The following ZNF112 variants were observed in gnomAD, a reference collection of about 807,000 sequenced individuals.
The protein encoded by ZNF112 is zinc finger protein 112, also known as zinc finger protein 112 (Y14).
Under a neutral mutation model 77.7 loss-of-function variants are expected in ZNF112, and 37 were observed. The ratio of observed to expected loss-of-function variants is 0.48; its 90% CI spans 0.37 to 0.63. ZNF112 has a LOEUF of 0.63. Among genes scored for constraint, ZNF112 ranks in the 20% least tolerant of loss-of-function variants. The probability of loss-of-function intolerance (pLI) is 0.00; values close to 1 mark genes in which losing one functional copy is unlikely to be tolerated. For synonymous variants in ZNF112, 333 were observed against 363.6 expected, an observed-to-expected ratio of 0.92 and a Z score of 0.96; for missense variants, 950 against 1,077.4, an observed-to-expected ratio of 0.88 and a Z score of 1.66.
intron 1 of ZNF112, among the ~76,000 whole-genome samples, chr19:44,345,629 A>T (rs1380003824): frequency 6.6e-6 from 1 of 152,250 alleles, no homozygotes; most frequent in African/African-American, 2.4e-5. Context: ...GTTTGATAGA[A>T]TTAAAGCCTG....
intron 1 of ZNF112, among the ~76,000 whole-genome samples, chr19:44,342,279 ATTT>A (rs759294652): frequency 4.6e-5 from 7 of 152,082 alleles, no homozygotes; most frequent in Non-Finnish European, 8.8e-5. Flanking sequence ...AAAAACATCT[ATTT>A]TTCCCCCAAC....
chr19:44,333,469 CCA>C (rs1970307872), intron 3 of ZNF112, among the ~76,000 whole-genome samples: 2 of 152,246 alleles, frequency 1.3e-5, no homozygotes, highest in Non-Finnish European at 2.9e-5. Flanking sequence ...GCGTCCCCAC[CCA>C]AATCTCATGT....
At chr19:44,353,527 G>C (rs1039683037) in intron 1 of ZNF112, among the ~76,000 whole-genome samples, 20 of 151,782 alleles carry the variant, frequency 1.3e-4, no homozygotes, top group African/African-American at 4.6e-4. Flanking sequence ...TATATAAATA[G>C]CTCTCAAAAA....
chr19:44,333,253 A>T (rs1389545349), intron 3 of ZNF112, among the ~76,000 whole-genome samples: 3 of 152,210 alleles, frequency 2.0e-5, no homozygotes, highest in African/African-American at 7.2e-5. Flanking sequence ...GAGAAAAAAA[A>T]TCTTTGTTTA....
rs2609881 is a variant in ZNF112, at chr19:44,327,836, T to A, written c.2321A>T (p.Glu774Val). 3.7e-6 allele frequency: 6 copies of A among 1,613,914 alleles called. No homozygotes were observed. The Admixed American group carries it at 5.0e-5, about 13-fold the overall frequency. Residue 774 changes from glutamate to valine, a missense_variant, in exon 4 of 4, where the codon GAG becomes GTG. Coordinates refer to ENST00000354340, the MANE Select transcript of ZNF112 (RefSeq NM_013380.4). ...VHTGGKPYKC[E>V]VCTKGFSESS... ...CTCACTGAAACCCTTTGTACACACC[T>A]CACATTTGTATGGTTTCCCTCCTGT...
chr19:44,345,951 C>A, intron 1 of ZNF112, among the ~76,000 whole-genome samples: 1 of 152,292 alleles, frequency 6.6e-6, no homozygotes, highest in East Asian at 1.9e-4. Flanking sequence ...CAATATTGTT[C>A]TTTCTTTTCA....
Position 44,327,315 on chromosome 19 carries a change from C to T in ZNF112, c.*118G>A. 2 of 802,346 alleles carry T rather than the reference C, an allele frequency of 2.5e-6. No individual in the cohort carries two copies. Among genetic ancestry groups the T allele is most frequent in the Non-Finnish European group, 3.9e-6 (2 of 517,604 alleles). 49.7% of individuals were successfully genotyped at this position (802,346 alleles called of 1,614,324 possible). On this transcript the variant is annotated 3_prime_UTR_variant, in exon 4 of 4. Transcript: ENST00000354340. The stretch of plus-strand genomic sequence containing the variant: ...TCATTAAATGTCTCTGTTGTGTGGT[C>T]TCCTGGCCATTATGAATGTTGAAGT...
chr19:44,365,849 T>C (rs556034238), intron 1 of ZNF112, among the ~76,000 whole-genome samples: 6 of 152,334 alleles, frequency 3.9e-5, no homozygotes, highest in Non-Finnish European at 5.9e-5. Context: ...TTGACTTATG[T>C]AGCTGCCACA....
intron 2 of ZNF112, among the ~76,000 whole-genome samples, chr19:44,337,414 A>AT (rs1455625918): frequency 4.4e-4 from 12 of 27,548 alleles, no homozygotes; most frequent in African/African-American, 6.0e-4. Context: ...TTTTATATAT[A>AT]ATAATATATA....
chr19:44,340,600 T>C, intron 1 of ZNF112, 58 bp from the exon 2 acceptor site: 4 of 1,611,108 alleles, frequency 2.5e-6, no homozygotes, highest in Non-Finnish European at 3.4e-6. Flanking sequence ...GCTGAGAAGG[T>C]GTAAAGGACT....
rs904590565 is a variant in ZNF112, at chr19:44,328,785, C to T, written c.1372G>A (p.Val458Ile). Residue 458 changes from valine (V) to isoleucine (I), a missense_variant, in exon 4 of 4, where the codon GTC (valine) becomes ATC (isoleucine). This residue lies in a region of ZNF112 where 560 missense variants were observed against 557.3 expected (regional missense o/e 1.00). Coordinates refer to ENST00000354340, the MANE Select transcript of ZNF112 (RefSeq NM_013380.4). ...LASHFQDLQI[V>I]HTKEQPYKRY... Reference sequence around the variant, plus strand: ...TTATATGGTTGTTCCTTAGTGTGGACTATCTGAAGGTCCTGAAAATGTGAG... The same window carrying T: ...TTATATGGTTGTTCCTTAGTGTGGATTATCTGAAGGTCCTGAAAATGTGAG... 2 of 1,614,092 alleles carry T rather than the reference C, an allele frequency of 1.2e-6. No individual in the cohort carries two copies. The highest frequency in any genetic ancestry group is 2.2e-5 in the East Asian group (1 of 44,880).
intron 3 of ZNF112, among the ~76,000 whole-genome samples, chr19:44,330,712 G>A (rs1459598943): frequency 6.6e-6 from 1 of 152,164 alleles, no homozygotes; most frequent in Non-Finnish European, 1.5e-5. Context: ...CTCCAGCCTA[G>A]GCAACAGAAT....
rs1970370504 is a variant in ZNF112, at chr19:44,336,584, G to C, written c.220+39C>G. The C allele has an allele frequency of 2.0e-6, 3 of 1,533,256 alleles. No individual in the cohort carries two copies. In the African/African-American group the frequency reaches 4.1e-5, roughly 21 times the overall value. The allele number at this position is 1,533,256 out of a possible 1,614,324, so 95.0% of individuals were successfully genotyped here. A position where few individuals can be genotyped will look rare whatever the true frequency, so the allele number is the denominator to read the frequency against. On this transcript the variant is annotated intron_variant, in intron 3 of 3. Coordinates refer to ENST00000354340, the MANE Select transcript of ZNF112 (RefSeq NM_013380.4). ...GTGTTCTGACTCATGTTCTAGAAGG[G>C]GCTCCCTGGCTGCTGTGTTCCTGCA...
intron 1 of ZNF112, among the ~76,000 whole-genome samples, chr19:44,364,999 G>A (rs1970889117): frequency 6.6e-6 from 1 of 151,630 alleles, no homozygotes; most frequent in African/African-American, 2.4e-5. Flanking sequence ...AGACAAGCTG[G>A]GGGTGGGTGG....
At chr19:44,357,681 T>C (rs939895623), upstream of ZNF112, among the ~76,000 whole-genome samples, 2 of 152,070 alleles carry the variant, frequency 1.3e-5, no homozygotes, top group Non-Finnish European at 2.9e-5. Context: ...ATAAGGCAAA[T>C]AGAAGGGCTG....
At chr19:44,336,284 C>G (rs1186589326) in intron 3 of ZNF112, among the ~76,000 whole-genome samples, 1 of 152,082 alleles carries the variant, frequency 6.6e-6, no homozygotes, top group Non-Finnish European at 1.5e-5. Context: ...TTGAAGAGAG[C>G]AAAGATCATG....
chr19:44,340,691 T>C (rs1227822843), intron 1 of ZNF112, 149 bp from the exon 2 acceptor site: 1 of 1,145,208 alleles, frequency 8.7e-7, no homozygotes, highest in African/African-American at 1.6e-5. Context: ...GCTAATACCA[T>C]TCACCAAAAG....
In ZNF112 at chr19:44,331,649, A is replaced by G. The variant is rs189552362; in HGVS notation, c.221-1713T>C. ...TCTTTGTGTTTGTCTGCCTCTCCACACTGGAATGTATTATCCATGAAAACA... is the reference window on the plus strand; with the variant it reads ...TCTTTGTGTTTGTCTGCCTCTCCACGCTGGAATGTATTATCCATGAAAACA... On this transcript the variant is annotated intron_variant, in intron 3 of 3. Coordinates refer to ENST00000354340, the MANE Select transcript of ZNF112 (RefSeq NM_013380.4). Among the ~76,000 whole-genome samples the G allele has an allele frequency of 3.5e-4, 53 of 152,318 alleles. No individual in the cohort carries two copies. The East Asian group carries it at 7.9e-3, about 23-fold the overall frequency.
chr19:44,336,854 TAAGA>T, intron 2 of ZNF112, 136 bp from the exon 3 acceptor site: 1 of 626,756 alleles, frequency 1.6e-6, no homozygotes, highest in Non-Finnish European at 2.8e-6. Flanking sequence ...CCACTCACTA[TAAGA>T]AACTAACTTC....
Sources: allele counts gnomAD v4.1 joint callset (sites outside exome capture counted in the v4.1 genomes callset), GRCh38; gene constraint gnomAD v4.1.1; regional missense constraint gnomAD v4.1.1; transcripts MANE v1.5; gene names NCBI Gene and HGNC (gene_info 2026-07-23, HGNC 2026-07-21).